The following DMD variants were observed in gnomAD, a reference collection of about 807,000 sequenced individuals.
DMD encodes the protein mutant dystrophin.
A neutral mutation model predicts 330.1 loss-of-function variants in DMD; 63 were observed. The ratio of observed to expected loss-of-function variants is 0.19; its 90% confidence interval spans 0.16 to 0.24. The LOEUF (loss-of-function observed/expected upper bound fraction) is 0.24. DMD is among the 10% of genes least tolerant of loss of function. The probability of loss-of-function intolerance (pLI) is 1.00; values close to 1 mark genes in which losing one functional copy is unlikely to be tolerated. For missense variants in DMD, 3,344 were observed against 2,684.1 expected (o/e 1.25, Z -5.43); for synonymous variants, 1,223 against 959.8 (o/e 1.27, Z -5.07).
intron 21 of DMD, among the ~76,000 whole-genome samples, chrX:32,481,051 A>T (rs754885676): frequency 9.0e-6 from 1 of 110,811 alleles, no homozygotes; most frequent in Non-Finnish European, 1.9e-5. Context: ...CTCACATCAA[A>T]CTTTGTTTTA....
At chrX:31,469,081 C>T (rs1057251804) in intron 59 of DMD, among the ~76,000 whole-genome samples, 1 of 110,739 alleles carries the variant, frequency 9.0e-6, no homozygotes, top group African/African-American at 3.3e-5. Flanking sequence ...TGAGGTGGGT[C>T]TTCTGAATAC....
At chrX:31,620,357 G>C (rs779609431) in intron 55 of DMD, among the ~76,000 whole-genome samples, 2 of 110,689 alleles carry the variant, frequency 1.8e-5, no homozygotes, top group Admixed American at 9.6e-5. Context: ...TTATTGAAAA[G>C]AGTTTTTCAT....
At chrX:33,172,749 C>T (rs2049424670) in intron 1 of DMD, among the ~76,000 whole-genome samples, 1 of 111,912 alleles carries the variant, frequency 8.9e-6, no homozygotes, top group Admixed American at 9.5e-5. Context: ...ATTAGTCTAA[C>T]ATTAACTGTT....
chrX:32,507,042 A>G (rs1285576533), intron 18 of DMD, among the ~76,000 whole-genome samples: 4 of 111,903 alleles, frequency 3.6e-5, no homozygotes, highest in Non-Finnish European at 7.5e-5. Context: ...TTTATTCTCC[A>G]TTAAAAGGTA....
chrX:32,852,038 C>A (rs1055169448), intron 2 of DMD, among the ~76,000 whole-genome samples: 8 of 111,606 alleles, frequency 7.2e-5, no homozygotes, highest in Non-Finnish European at 1.5e-4. Flanking sequence ...AGTCAGGGGA[C>A]TTGGTGGGCA....
Position 32,664,245 on chromosome X carries a change from T to A in DMD, c.961-19093A>T, listed in dbSNP as rs949590153. ...AAGGTGGACCTGGCATAGGTTTTTT[T>A]TTTTTTTTTTTTTTGAGATGGAGTC... On this transcript the variant is annotated intron_variant, in intron 9 of 78. Coordinates refer to ENST00000357033, the MANE Select transcript of DMD (RefSeq NM_004006.3). Among the ~76,000 whole-genome samples the A allele has an allele frequency of 3.0e-3, 298 of 98,070 alleles. 4 individuals are homozygous for A. The highest frequency in any genetic ancestry group is 0.011 in the African/African-American group (288 of 25,697). The allele number at this position is 98,070 out of a possible 115,157, so 85.2% of individuals were successfully genotyped here.
intron 29 of DMD, among the ~76,000 whole-genome samples, chrX:32,434,125 TTGAC>T (rs968226032): frequency 1.9e-4 from 21 of 112,646 alleles, no homozygotes; most frequent in African/African-American, 6.8e-4. Flanking sequence ...GTCTGGCTGT[TTGAC>T]TGATTTAACA....
At chrX:31,203,862 C>A in intron 67 of DMD, 99 bp downstream of exon 67, 1 of 742,503 alleles carries the variant, frequency 1.3e-6, no homozygotes. Flanking sequence ...CTACTGCCTA[C>A]TGAAGAGCTA....
At chrX:33,275,640 A>C (rs1158662672) in intron 1 of DMD, among the ~76,000 whole-genome samples, 4 of 111,505 alleles carry the variant, frequency 3.6e-5, no homozygotes, top group Non-Finnish European at 5.6e-5. Flanking sequence ...CTATTTAGGA[A>C]GTGTTCCAAA....
intron 2 of DMD, among the ~76,000 whole-genome samples, chrX:32,957,576 C>G (rs2091664188): frequency 8.9e-6 from 1 of 111,792 alleles, no homozygotes; most frequent in South Asian, 3.6e-4. Flanking sequence ...AAAGTAAACA[C>G]TATCAACTAT....
intron 63 of DMD, among the ~76,000 whole-genome samples, chrX:31,248,866 T>C (rs1271859438): frequency 2.7e-5 from 3 of 111,320 alleles, no homozygotes; most frequent in Non-Finnish European, 3.8e-5. Flanking sequence ...CCCTCCCTCA[T>C]TGGTCCCAGC....
intron 1 of DMD, among the ~76,000 whole-genome samples, chrX:33,079,134 G>A (rs1474052548): frequency 1.8e-5 from 2 of 111,534 alleles, no homozygotes; most frequent in Admixed American, 9.5e-5. Context: ...AGGTTCAAGC[G>A]ATTCTCCTGC....
At chrX:33,103,828 A>G (rs1315930759) in intron 1 of DMD, among the ~76,000 whole-genome samples, 1 of 112,115 alleles carries the variant, frequency 8.9e-6, no homozygotes, top group Non-Finnish European at 1.9e-5. Context: ...AAAATTATAG[A>G]AAATGGGATC....
chrX:32,546,664 C>A lies in DMD; in HGVS notation c.1993-1330G>T, dbSNP rs758426530. 3.0e-4 allele frequency among the ~76,000 whole-genome samples: 33 copies of A among 111,485 alleles called. 1 individual carries two copies. In the Admixed American group the frequency reaches 3.0e-3, roughly 10 times the overall value. On this transcript the variant is annotated intron_variant, in intron 16 of 78. Coordinates refer to ENST00000357033, the MANE Select transcript of DMD (RefSeq NM_004006.3). ...ACCTATGTGAGGGACTGAAGGATTT[C>A]CATTTTGGTAGGCTAAAAGGATACT...
chrX:31,896,185 G>T (rs577539220), intron 47 of DMD, among the ~76,000 whole-genome samples: 1 of 111,832 alleles, frequency 8.9e-6, no homozygotes. Flanking sequence ...ACTTGGCAGG[G>T]TCTTCCTAAA....
intron 9 of DMD, among the ~76,000 whole-genome samples, chrX:32,693,753 GT>G (rs2063452930): frequency 9.0e-6 from 1 of 111,694 alleles, no homozygotes; most frequent in South Asian, 3.7e-4. Context: ...GGTGTAGTTT[GT>G]TTTTTTAAGT....
chrX:32,796,005 T>G (rs1450102299), intron 7 of DMD, among the ~76,000 whole-genome samples: 1 of 111,429 alleles, frequency 9.0e-6, no homozygotes, highest in Non-Finnish European at 1.9e-5. Context: ...ATTGTTGTAG[T>G]TCAGAATATA....
chrX:32,859,505 A>ACACACACACACACACG (rs1196332140), intron 2 of DMD, among the ~76,000 whole-genome samples: 1 of 90,564 alleles, frequency 1.1e-5, no homozygotes, highest in African/African-American at 4.9e-5. Context: ...ACACACACAC[A>ACACACACACACACACG]CACACAAGTT....
intron 7 of DMD, among the ~76,000 whole-genome samples, chrX:32,797,930 T>A (rs1460200374): frequency 8.9e-6 from 1 of 111,980 alleles, no homozygotes; most frequent in Non-Finnish European, 1.9e-5. Context: ...TAATCCATAA[T>A]GCACATCTTC....
Sources: gnomAD v4.1 joint callset for allele counts (sites outside exome capture counted in the v4.1 genomes callset) on GRCh38, gnomAD v4.1.1 for gene constraint, MANE v1.5 for transcripts, NCBI Gene and HGNC (gene_info 2026-07-23, HGNC 2026-07-21) for gene names.